Variants in PDE10A observed in about 807,000 individuals in gnomAD.
PDE10A encodes cAMP and cAMP-inhibited cGMP 3',5'-cyclic phosphodiesterase 10A.
PDE10A carries 39 observed loss-of-function variants against 97.7 expected under a neutral mutation model. The observed-to-expected ratio is 0.40, with a 90% confidence interval of 0.31 to 0.52. PDE10A has a LOEUF of 0.52. Ranked by LOEUF, PDE10A falls within the 20% of genes least tolerant of loss-of-function variation. PDE10A has a pLI of 0.56. For synonymous variants in PDE10A, 371 were observed against 376.8 expected, an observed-to-expected ratio of 0.98 and a Z score of 0.18; for missense variants, 731 against 1,047.8, an observed-to-expected ratio of 0.70 and a Z score of 4.17.
chr6:165,422,930 A>T (rs1733043364), intron 10 of PDE10A, among the ~76,000 whole-genome samples: 1 of 152,166 alleles, frequency 6.6e-6, no homozygotes, highest in Admixed American at 6.5e-5. Context: ...GTAGTAGGTA[A>T]GAAGAGTAAA....
rs549748825 is a variant in PDE10A, at chr6:165,572,816, G to A, written c.866-29248C>T. On this transcript the variant is annotated intron_variant, in intron 1 of 21. Transcript: ENST00000539869. ...CGTGCCACTGCACTCCAGCGTGGGC[G>A]ACAGAATGAGACCCTGTCTCAAACA... Among the ~76,000 whole-genome samples the A allele has an allele frequency of 3.3e-5, 5 of 152,300 alleles. No individual in the cohort carries two copies. In the South Asian group the frequency reaches 6.2e-4, roughly 19 times the overall value.
At chr6:165,633,789 G>C (rs1178936678) in intron 1 of PDE10A, among the ~76,000 whole-genome samples, 2 of 69,376 alleles carry the variant, frequency 2.9e-5, no homozygotes, top group Non-Finnish European at 6.3e-5. Context: ...CACCACGCCG[G>C]GCTAATTTTT....
At chr6:165,951,439 G>A (rs886949120) in intron 1 of PDE10A, among the ~76,000 whole-genome samples, 7 of 151,928 alleles carry the variant, frequency 4.6e-5, no homozygotes, top group African/African-American at 7.3e-5. Context: ...CCTCCTTTCC[G>A]TGTCCAGCAT....
intron 1 of PDE10A, among the ~76,000 whole-genome samples, chr6:165,545,003 A>G (rs1783668258): frequency 6.6e-6 from 1 of 152,150 alleles, no homozygotes; most frequent in South Asian, 2.1e-4. Flanking sequence ...CTCCTGGCAC[A>G]GCAAATTATA....
At chr6:165,901,593 C>T (rs925327624) in intron 1 of PDE10A, among the ~76,000 whole-genome samples, 3 of 152,056 alleles carry the variant, frequency 2.0e-5, no homozygotes, top group Non-Finnish European at 2.9e-5. Flanking sequence ...ACCTGAGGTC[C>T]GGAGTTTGAG....
intron 1 of PDE10A, among the ~76,000 whole-genome samples, chr6:165,568,844 T>C (rs1481366828): frequency 2.6e-5 from 4 of 152,230 alleles, no homozygotes; most frequent in African/African-American, 4.8e-5. Flanking sequence ...GAGAAATTTA[T>C]GCTAGTTTTG....
At chr6:165,799,244 G>A (rs1294534397) in intron 1 of PDE10A, among the ~76,000 whole-genome samples, 1 of 152,148 alleles carries the variant, frequency 6.6e-6, no homozygotes, top group East Asian at 1.9e-4. Flanking sequence ...AAAAACCAGC[G>A]AATGAGAAAA....
rs188396715 is a variant in PDE10A, at chr6:165,908,259, T to C, written c.-615+79270A>G. ...CCAGCGAGGGCTGCCATGCAGGACT[T>C]CACACACCTGGGAAGGCTGGGTCTT... On this transcript the variant is annotated intron_variant, in intron 1 of 19. Coordinates refer to the PDE10A transcript ENST00000366882. 6.0e-4 allele frequency among the ~76,000 whole-genome samples: 91 copies of C among 152,312 alleles called. No individual in the cohort carries two copies. In the Middle Eastern group the frequency reaches 0.01, roughly 17 times the overall value.
chr6:165,920,779 T>A (rs919942888), intron 1 of PDE10A, among the ~76,000 whole-genome samples: 1 of 152,232 alleles, frequency 6.6e-6, no homozygotes, highest in Non-Finnish European at 1.5e-5. Context: ...TTTGCTTCAC[T>A]CTGAATAACA....
chr6:165,705,821 A>T (rs1462639134), intron 1 of PDE10A, among the ~76,000 whole-genome samples: 2 of 152,254 alleles, frequency 1.3e-5, no homozygotes, highest in African/African-American at 2.4e-5. Context: ...GGGAATTTTT[A>T]AATTTGCATT....
At chr6:165,611,076 G>C (rs1414183681) in intron 1 of PDE10A, among the ~76,000 whole-genome samples, 1 of 151,574 alleles carries the variant, frequency 6.6e-6, no homozygotes, top group African/African-American at 2.4e-5. Context: ...TCTTTCCACT[G>C]AATAAAATTC....
At chr6:165,672,691 G>A (rs1045244290) in intron 1 of PDE10A, among the ~76,000 whole-genome samples, 11 of 152,132 alleles carry the variant, frequency 7.2e-5, no homozygotes, top group Admixed American at 4.6e-4. Context: ...TATGTGAGAC[G>A]TTCCTTTCAC....
At chr6:165,845,126 T>C (rs932454502) in intron 1 of PDE10A, among the ~76,000 whole-genome samples, 2 of 152,208 alleles carry the variant, frequency 1.3e-5, no homozygotes, top group African/African-American at 4.8e-5. Flanking sequence ...TGAGAGCTGA[T>C]GGTCATTGCA....
At chr6:165,740,377 C>T (rs1036635440) in intron 1 of PDE10A, among the ~76,000 whole-genome samples, 1 of 151,834 alleles carries the variant, frequency 6.6e-6, no homozygotes. Context: ...GTCACCCAGG[C>T]TGGAGTGCAG....
At chr6:165,767,514 C>A (rs1777887167) in intron 1 of PDE10A, among the ~76,000 whole-genome samples, 1 of 152,212 alleles carries the variant, frequency 6.6e-6, no homozygotes, top group Admixed American at 6.5e-5. Context: ...ATATTCCATG[C>A]ACTTCACATA....
chr6:165,656,472 A>G (rs1385824880), intron 1 of PDE10A, among the ~76,000 whole-genome samples: 4 of 151,438 alleles, frequency 2.6e-5, no homozygotes, highest in Non-Finnish European at 5.9e-5. Context: ...CTCTGCCACC[A>G]AGATCAGCCC....
intron 1 of PDE10A, among the ~76,000 whole-genome samples, chr6:165,573,900 C>T (rs1007025098): frequency 6.6e-5 from 10 of 152,186 alleles, no homozygotes; most frequent in African/African-American, 2.4e-4. Context: ...GTGCGTCAGC[C>T]GGCCCAGTAG....
chr6:165,598,355 C>T (rs1786727809), intron 1 of PDE10A, among the ~76,000 whole-genome samples: 2 of 152,184 alleles, frequency 1.3e-5, no homozygotes, highest in South Asian at 4.1e-4. Context: ...ACATGCAACA[C>T]ATAAGCAATT....
At chr6:165,747,306 G>A (rs1290271964) in intron 1 of PDE10A, among the ~76,000 whole-genome samples, 1 of 152,118 alleles carries the variant, frequency 6.6e-6, no homozygotes, top group Non-Finnish European at 1.5e-5. Flanking sequence ...AGGCTTCCAA[G>A]TGAAGATGTC....
Sources: allele counts gnomAD v4.1 joint callset (sites outside exome capture counted in the v4.1 genomes callset), GRCh38; gene constraint gnomAD v4.1.1; transcripts MANE v1.5; gene names NCBI Gene and HGNC (gene_info 2026-07-23, HGNC 2026-07-21).